Variants in WWOX observed in about 807,000 individuals in gnomAD.
WWOX encodes the protein WW domain-containing oxidoreductase.
WWOX carries 69 observed loss-of-function variants against 46.2 expected under a neutral mutation model. The ratio of observed to expected loss-of-function variants is 1.49; its 90% confidence interval spans 1.23 to 1.82. WWOX has a LOEUF of 1.82. Ranked by LOEUF, WWOX falls within the 40% of genes most tolerant of loss-of-function variation. WWOX has a pLI of 0.00. For missense variants in WWOX, 919 were observed against 542.6 expected (o/e 1.69, Z -6.89); for synonymous variants, 359 against 202.6 (o/e 1.77, Z -6.56).
intron 8 of WWOX, among the ~76,000 whole-genome samples, chr16:78,516,783 G>A (rs1429175324): frequency 3.3e-5 from 5 of 152,222 alleles, no homozygotes; most frequent in East Asian, 1.9e-4. Context: ...TCAAAAATCC[G>A]TGGCAAGGTA....
intron 5 of WWOX, among the ~76,000 whole-genome samples, chr16:78,304,387 C>A (rs2080095637): frequency 6.6e-6 from 1 of 152,198 alleles, no homozygotes; most frequent in African/African-American, 2.4e-5. Flanking sequence ...GGTTTCCCCA[C>A]TTTTTCCAGC....
intron 5 of WWOX, among the ~76,000 whole-genome samples, chr16:78,291,541 T>G (rs2079857396): frequency 6.6e-6 from 1 of 152,044 alleles, no homozygotes; most frequent in African/African-American, 2.4e-5. Context: ...CTGCAGAGGT[T>G]TCTTATTATT....
chr16:78,214,281 T>A (rs1175882512), intron 5 of WWOX, among the ~76,000 whole-genome samples: 1 of 152,212 alleles, frequency 6.6e-6, no homozygotes, highest in Non-Finnish European at 1.5e-5. Context: ...TTCCTACCTG[T>A]GCGATCACTA....
At chr16:78,995,912 G>C (rs1387774210) in intron 8 of WWOX, among the ~76,000 whole-genome samples, 1 of 152,122 alleles carries the variant, frequency 6.6e-6, no homozygotes, top group Non-Finnish European at 1.5e-5. Flanking sequence ...ACGATTTTGC[G>C]TTTATACCTC....
At chr16:79,115,732 G>A (rs1188653206) in intron 8 of WWOX, among the ~76,000 whole-genome samples, 1 of 152,178 alleles carries the variant, frequency 6.6e-6, no homozygotes, top group Non-Finnish European at 1.5e-5. Flanking sequence ...AACAGTGATA[G>A]GACTGACCTG....
chr16:79,075,136 A>C (rs1182276539), intron 8 of WWOX, among the ~76,000 whole-genome samples: 2 of 152,224 alleles, frequency 1.3e-5, no homozygotes, highest in Non-Finnish European at 2.9e-5. Flanking sequence ...GTCACTTGGA[A>C]GATTACAACC....
chr16:78,633,095 T>A (rs2046477086), intron 8 of WWOX, among the ~76,000 whole-genome samples: 1 of 151,996 alleles, frequency 6.6e-6, no homozygotes, highest in Non-Finnish European at 1.5e-5. Context: ...AAACCCTGTC[T>A]CTACTACAAA....
chr16:78,724,998 G>GTCCCC (rs2048791287), intron 8 of WWOX, among the ~76,000 whole-genome samples: 1 of 152,120 alleles, frequency 6.6e-6, no homozygotes, highest in Admixed American at 6.5e-5. Flanking sequence ...GTTTGGCTGT[G>GTCCCC]TCCCCACCCA....
intron 4 of WWOX, among the ~76,000 whole-genome samples, chr16:78,152,185 G>A (rs889501588): frequency 3.9e-5 from 5 of 127,404 alleles, no homozygotes; most frequent in African/African-American, 1.2e-4. Flanking sequence ...GCGAGACTCC[G>A]TCTCAAGAGA....
At chr16:79,087,963 C>G (rs60427429) in intron 8 of WWOX, among the ~76,000 whole-genome samples, 28,575 of 151,966 alleles carry the variant, frequency 0.19, 3,541 homozygotes, top group East Asian at 0.64. Context: ...GTCCAAGGCT[C>G]CACTACCATC....
chr16:79,194,065 C>T (rs1454556038), intron 8 of WWOX, among the ~76,000 whole-genome samples: 1 of 151,906 alleles, frequency 6.6e-6, no homozygotes, highest in African/African-American at 2.4e-5. Flanking sequence ...TATGAAGATT[C>T]TGTGTGTGTG....
chr16:78,427,719 G>A (rs77306161), intron 7 of WWOX, among the ~76,000 whole-genome samples: 48 of 152,110 alleles, frequency 3.2e-4, no homozygotes, highest in African/African-American at 6.7e-4. Flanking sequence ...TTGAGGTTGC[G>A]GTAAGCGTTG....
At chr16:78,575,048 T>TTTAA (rs2044833485) in intron 8 of WWOX, among the ~76,000 whole-genome samples, 1 of 10,954 alleles carries the variant, frequency 9.1e-5, no homozygotes, top group Non-Finnish European at 1.9e-4. Flanking sequence ...TATATATATA[T>TTTAA]ATATATATAT....
At chr16:78,650,682 T>C (rs887140607) in intron 8 of WWOX, among the ~76,000 whole-genome samples, 1 of 152,216 alleles carries the variant, frequency 6.6e-6, no homozygotes, top group African/African-American at 2.4e-5. Flanking sequence ...TACTTTTAAA[T>C]CAGAGGCCAA....
At chr16:78,987,235 C>A (rs1292331249) in intron 8 of WWOX, among the ~76,000 whole-genome samples, 3 of 152,188 alleles carry the variant, frequency 2.0e-5, no homozygotes, top group Non-Finnish European at 4.4e-5. Flanking sequence ...GTAGGCTGTG[C>A]TTATTAACTC....
chr16:78,572,850 A>T (rs1027961343), intron 8 of WWOX, among the ~76,000 whole-genome samples: 25 of 152,104 alleles, frequency 1.6e-4, no homozygotes, highest in Non-Finnish European at 3.2e-4. Context: ...GGTATTGGAA[A>T]GTTCTGTTTC....
intron 8 of WWOX, among the ~76,000 whole-genome samples, chr16:78,678,097 C>T (rs2142223539): frequency 6.6e-6 from 1 of 152,292 alleles, no homozygotes; most frequent in Non-Finnish European, 1.5e-5. Flanking sequence ...TGTCTCACTG[C>T]CCTCCCCCTC....
chr16:78,966,230 G>C (rs1567444468), intron 8 of WWOX, among the ~76,000 whole-genome samples: 1 of 152,162 alleles, frequency 6.6e-6, no homozygotes, highest in African/African-American at 2.4e-5. Context: ...TAAAGGCACT[G>C]GTTTAAGAGG....
rs141490039 is a variant in WWOX at position 78,341,653 on chromosome 16, G to C, written c.517-45207G>C. Among the ~76,000 whole-genome samples, 81 of 119,696 alleles carry C rather than the reference G, an allele frequency of 6.8e-4. 24 individuals carry two copies. The highest frequency in any genetic ancestry group is 2.2e-3 in the African/African-American group (79 of 35,366). 78.5% of individuals were successfully genotyped at this position (119,696 alleles called of 152,430 possible). ...AGATGGGATAGGTGGGCAACATGCA[G>C]GAGAAACCTCCTGGGAAAGGTGAGC... On this transcript the variant is annotated intron_variant, in intron 5 of 8. Transcript: ENST00000566780.
Sources: allele counts gnomAD v4.1 joint callset (sites outside exome capture counted in the v4.1 genomes callset), GRCh38; gene constraint gnomAD v4.1.1; transcripts MANE v1.5; gene names NCBI Gene and HGNC (gene_info 2026-07-23, HGNC 2026-07-21).